UNC13A: variants seen among roughly 807,000 people sequenced by gnomAD.
UNC13A encodes unc-13 homolog A.
UNC13A carries 61 observed loss-of-function variants against 219.7 expected under a neutral mutation model. The observed-to-expected ratio is 0.28, with a 90% CI of 0.23 to 0.34. The LOEUF is 0.34. UNC13A is among the 10% of genes least tolerant of loss of function. UNC13A has a pLI of 1.00. For synonymous variants in UNC13A, 920 were observed against 884.6 expected (o/e 1.04, Z -0.71); for missense variants, 1,476 against 2,270.3 (o/e 0.65, Z 7.11).
At position 17,645,623 on chromosome 19, in the gene UNC13A, C is replaced by T. The variant is rs77282111; in HGVS notation, c.2356+51G>A. ...GCTCTTCGTGGGCTCCATGCTCTGG[C>T]TGGATCCCTGGGACCCGTCCCCACC... On this transcript the variant is annotated intron_variant, in intron 19 of 43. Transcript: ENST00000519716. The T allele has an allele frequency of 5.2e-4, 840 of 1,606,916 alleles. 4 individuals are homozygous for T. In the African/African-American group the frequency reaches 9.2e-3, roughly 18 times the overall value.
chr19:17,677,646 T>C (rs1374138820), intron 1 of UNC13A, among the ~76,000 whole-genome samples: 11 of 152,132 alleles, frequency 7.2e-5, no homozygotes, highest in Non-Finnish European at 5.9e-5. Flanking sequence ...GGATGACAGG[T>C]GTGAGCTGCC....
At chr19:17,675,101 G>C (rs1261948752) in intron 2 of UNC13A, among the ~76,000 whole-genome samples, 1 of 152,168 alleles carries the variant, frequency 6.6e-6, no homozygotes, top group Non-Finnish European at 1.5e-5. Flanking sequence ...GTCAAGGGGG[G>C]AGGATTGCTT....
chr19:17,680,593 C>A (rs1411546628), intron 1 of UNC13A, among the ~76,000 whole-genome samples: 2 of 152,126 alleles, frequency 1.3e-5, no homozygotes, highest in African/African-American at 2.4e-5. Context: ...GACACCCCTG[C>A]AGCCTGGCTT....
chr19:17,640,373 A>G, intron 22 of UNC13A, 138 bp downstream of exon 22: 1 of 1,195,712 alleles, frequency 8.4e-7, no homozygotes, highest in South Asian at 1.8e-5. Context: ...GAATAAATGG[A>G]GGCTCAGAGA....
rs1426761972 is a variant in UNC13A, at chr19:17,674,791, T to C, written c.53-35A>G. ...TGAGAGTAGGGGTCAGCGCTGGGGCTCAGGGACTCTCCAATGCCCCTTCCC... is the reference window on the plus strand; with the variant it reads ...TGAGAGTAGGGGTCAGCGCTGGGGCCCAGGGACTCTCCAATGCCCCTTCCC... On this transcript the variant is annotated intron_variant, in intron 2 of 43. Transcript: ENST00000519716. The surrounding 1 kb of genome is among the most constrained non-coding windows in gnomAD (Gnocchi z 5.0). The C allele has an allele frequency of 6.4e-7, 1 of 1,555,496 alleles. No individual in the cohort carries two copies. The highest frequency in any genetic ancestry group is 2.2e-5 in the East Asian group (1 of 44,622).
At chr19:17,681,588 C>T (rs2080019009) in intron 1 of UNC13A, among the ~76,000 whole-genome samples, 1 of 152,168 alleles carries the variant, frequency 6.6e-6, no homozygotes, top group Non-Finnish European at 1.5e-5. Flanking sequence ...CAGAGAGCTT[C>T]GGGAATAAGG....
At chr19:17,650,764 C>A (rs1244962220) in intron 12 of UNC13A, among the ~76,000 whole-genome samples, 1 of 151,650 alleles carries the variant, frequency 6.6e-6, no homozygotes, top group African/African-American at 2.4e-5. Flanking sequence ...AGGCGTGAGC[C>A]ACCATGCCCA....
At chr19:17,654,261 T>C (rs1047196030) in intron 11 of UNC13A, among the ~76,000 whole-genome samples, 1 of 152,172 alleles carries the variant, frequency 6.6e-6, no homozygotes, top group Admixed American at 6.5e-5. Context: ...CCATAGTTTG[T>C]TTTTCTTGTA....
intron 8 of UNC13A, among the ~76,000 whole-genome samples, chr19:17,662,269 G>A (rs2079563886): frequency 6.6e-6 from 1 of 151,850 alleles, no homozygotes; most frequent in African/African-American, 2.4e-5. Context: ...GATTCTCACG[G>A]GAGCGTGAAC....
In UNC13A at chr19:17,621,883, T is replaced by A. The variant is rs753129789; in HGVS notation, c.4204-13A>T. 9.9e-6 allele frequency: 16 copies of A among 1,613,824 alleles called. No individual in the cohort carries two copies. In the Admixed American group the frequency reaches 2.2e-4, roughly 22 times the overall value. On this transcript the variant is annotated splice_polypyrimidine_tract_variant and intron_variant, in intron 36 of 43. Transcript: ENST00000519716. ...TCAAGAGGTTCCCCTGCAGAGATAA[T>A]GTCACAGGGTGATCAACCTGGCAAG...
intron 3 of UNC13A, among the ~76,000 whole-genome samples, chr19:17,673,373 A>AT (rs1050177455): frequency 2.0e-5 from 3 of 147,954 alleles, no homozygotes; most frequent in African/African-American, 5.0e-5. Flanking sequence ...AAAAAAAAAA[A>AT]GTATATATAT....
intron 1 of UNC13A, among the ~76,000 whole-genome samples, chr19:17,687,289 C>T (rs1185381675): frequency 6.6e-6 from 1 of 151,956 alleles, no homozygotes; most frequent in Non-Finnish European, 1.5e-5. Context: ...GGCGTTCTGG[C>T]CCCAAAATAG....
At chr19:17,650,002 C>T (rs2079314268) in intron 12 of UNC13A, among the ~76,000 whole-genome samples, 1 of 152,114 alleles carries the variant, frequency 6.6e-6, no homozygotes, top group South Asian at 2.1e-4. Context: ...GGGAGCATGG[C>T]TCTACCAATG....
At position 17,647,859 on chromosome 19, in the gene UNC13A, CCT is replaced by C. The variant is rs2079268123; in HGVS notation, c.1817-369_1817-368del. Among the ~76,000 whole-genome samples, 5 of 145,502 alleles carry C rather than the reference CCT, an allele frequency of 3.4e-5. No individual in the cohort carries two copies. The Admixed American group carries it at 3.4e-4, about 10-fold the overall frequency. On this transcript the variant is annotated intron_variant, in intron 16 of 43. Transcript: ENST00000519716. ...CTCCGCCCCCTCTCTGAGTCCCACC[CCT>C]CTGAGTCCCGCTGCCTCTCTGAGCC...
chr19:17,645,198 G>A (rs1009748460), intron 19 of UNC13A, among the ~76,000 whole-genome samples: 4 of 151,198 alleles, frequency 2.6e-5, no homozygotes, highest in Non-Finnish European at 5.9e-5. Context: ...TAGTGGAGAC[G>A]GGGTTTCACC....
intron 1 of UNC13A, among the ~76,000 whole-genome samples, chr19:17,684,914 TG>T (rs560928637): frequency 1.6e-4 from 24 of 152,228 alleles, no homozygotes; most frequent in Non-Finnish European, 2.6e-4. Flanking sequence ...ACACACATAT[TG>T]ATGTTTGCAT....
intron 43 of UNC13A, among the ~76,000 whole-genome samples, chr19:17,606,790 CT>C (rs1442181595): frequency 6.6e-6 from 1 of 151,978 alleles, no homozygotes; most frequent in African/African-American, 2.4e-5. Context: ...CGACGTGGCC[CT>C]TTCCCCAGCC....
intron 28 of UNC13A, among the ~76,000 whole-genome samples, chr19:17,631,424 C>A (rs2076853934): frequency 6.6e-6 from 1 of 151,378 alleles, no homozygotes; most frequent in African/African-American, 2.4e-5. Flanking sequence ...ACAGGATTTC[C>A]CTGTGTTGCC....
chr19:17,606,479 G>T, intron 43 of UNC13A, 125 bp from the exon 44 acceptor site: 1 of 1,302,642 alleles, frequency 7.7e-7, no homozygotes, highest in Non-Finnish European at 1.0e-6. Context: ...CACCTCCCAC[G>T]CTACGCTAGC....
Sources: gnomAD v4.1 joint callset for allele counts (sites outside exome capture counted in the v4.1 genomes callset) on GRCh38, gnomAD v4.1.1 for gene constraint, Gnocchi (gnomAD v3.1) non-coding constraint, MANE v1.5 for transcripts, NCBI Gene and HGNC (gene_info 2026-07-23, HGNC 2026-07-21) for gene names.